The following ZKSCAN3 variants were observed in gnomAD, a reference collection of about 807,000 sequenced individuals.
The protein encoded by ZKSCAN3 is zinc finger protein with KRAB and SCAN domains 3.
A neutral mutation model predicts 30.7 loss-of-function variants in ZKSCAN3; 21 were observed. The observed-to-expected ratio is 0.68, with a 90% CI of 0.49 to 0.99. The LOEUF (loss-of-function observed/expected upper bound fraction) is 0.99, where lower values mean the gene tolerates loss of function less well. ZKSCAN3 is among the 50% of genes least tolerant of loss of function. The pLI is 0.00. For missense variants in ZKSCAN3, 507 were observed against 647.1 expected (o/e 0.78, Z 2.35); for synonymous variants, 201 against 246.7 (o/e 0.81, Z 1.73).
At chr6:28,363,542 T>C in intron 4 of ZKSCAN3, 150 bp from the exon 5 acceptor site, 2 of 1,339,404 alleles carry the variant, frequency 1.5e-6, no homozygotes. Flanking sequence ...AGGTTGTTTA[T>C]CATTAACTTT....
In ZKSCAN3 at chr6:28,365,519, A is replaced by G; in HGVS notation, c.851A>G (p.Asp284Gly). ...AAGATATCGTGCCACCTGAGAGAAG[A>G]CATTGCCCAGATTCCTACATGTGCA... ...HGKISCHLRE[D>G]IAQIPTCAEA... The change falls in exon 6 of 6, where the codon GAC (aspartate) becomes GGC (glycine). Residue 284 changes from aspartate (D) to glycine (G), a missense_variant. By Grantham distance (94) the Asp-to-Gly change is moderately conservative. Coordinates refer to ENST00000252211, the MANE Select transcript of ZKSCAN3 (RefSeq NM_024493.4). 6.2e-7 allele frequency: 1 copy of G among 1,614,228 alleles called. No homozygotes were observed.
chr6:28,355,428 G>A (rs1325873932), intron 1 of ZKSCAN3: 1 of 152,232 alleles, frequency 6.6e-6, no homozygotes, highest in Non-Finnish European at 1.5e-5. Flanking sequence ...CTCTGTCGAG[G>A]AATACTGGAG....
chr6:28,356,908 C>T lies in ZKSCAN3; in HGVS notation c.-62-2617C>T, dbSNP rs573947237. 2.0e-5 allele frequency among the ~76,000 whole-genome samples: 3 copies of T among 152,354 alleles called. No homozygotes were observed. In the South Asian group the frequency reaches 6.2e-4, roughly 32 times the overall value. ...GCCTGGGGGCTGAAGACCCACTCAC[C>T]TCATCTTGCTCACTATGCCAAATGT... On this transcript the variant is annotated intron_variant, in intron 1 of 5. Coordinates refer to ENST00000252211, the MANE Select transcript of ZKSCAN3 (RefSeq NM_024493.4).
At chr6:28,365,117 G>A (rs778736695) in intron 5 of ZKSCAN3, among the ~76,000 whole-genome samples, 8 of 151,986 alleles carry the variant, frequency 5.3e-5, no homozygotes, top group Non-Finnish European at 8.8e-5. Flanking sequence ...AACTTAGAAC[G>A]ACCACATACA....
intron 1 of ZKSCAN3, among the ~76,000 whole-genome samples, chr6:28,357,223 C>T (rs140139068): frequency 2.6e-4 from 40 of 152,364 alleles, no homozygotes; most frequent in African/African-American, 9.1e-4. Context: ...ATGCCTGCTT[C>T]GCTGCAGCAC....
intron 5 of ZKSCAN3, 147 bp from the exon 6 acceptor site, chr6:28,365,279 C>T: frequency 1.7e-6 from 2 of 1,185,318 alleles, no homozygotes; most frequent in East Asian, 2.3e-5. Flanking sequence ...CACTCCTGTT[C>T]TCCCCTTTTA....
At chr6:28,361,125 A>G (rs1308450934) in intron 2 of ZKSCAN3, among the ~76,000 whole-genome samples, 199 bp from the exon 3 acceptor site, 1 of 152,168 alleles carries the variant, frequency 6.6e-6, no homozygotes, top group African/African-American at 2.4e-5. Flanking sequence ...ATTGCCACTG[A>G]TTAGCTATTT....
In ZKSCAN3 at chr6:28,359,743, C is replaced by T. The variant is rs765890348; in HGVS notation, c.157C>T (p.Arg53Cys). 2 of 1,614,214 alleles carry T rather than the reference C, an allele frequency of 1.2e-6. No individual in the cohort carries two copies. Among genetic ancestry groups the T allele is most frequent in the Non-Finnish European group, 1.7e-6 (2 of 1,180,048 alleles). The change falls in exon 2 of 6, where the codon CGC (arginine) becomes TGC (cysteine). Residue 53 changes from arginine to cysteine, a missense_variant. Transcript: ENST00000252211. Reference protein sequence around the residue: ...EGSRERFRGFRYPEAAGPREA... With the variant: ...EGSRERFRGFCYPEAAGPREA... ...CTCCCGCGAGCGCTTCCGAGGCTTC[C>T]GCTACCCGGAGGCTGCAGGCCCCCG...
At position 28,365,821 on chromosome 6, in the gene ZKSCAN3, C is replaced by G; in HGVS notation, c.1153C>G (p.Leu385Val). The G allele has an allele frequency of 5.6e-6, 9 of 1,614,160 alleles. No homozygotes were observed. Among genetic ancestry groups the G allele is most frequent in the Non-Finnish European group, 5.9e-6 (7 of 1,180,022 alleles). Residue 385 changes from leucine (L) to valine (V), a missense_variant, in exon 6 of 6, where the codon CTT becomes GTT. Leu to Val is a conservative substitution (Grantham distance 32, BLOSUM62 1). Transcript: ENST00000252211. ...CGKAFSHSSD[L>V]IKHQRTHTGE... Reference sequence around the variant, plus strand: ...TAAGGCCTTCAGTCATAGCTCAGACCTTATCAAGCATCAGAGAACCCACAC... The same window carrying G: ...TAAGGCCTTCAGTCATAGCTCAGACGTTATCAAGCATCAGAGAACCCACAC...
Position 28,367,323 on chromosome 6 carries a change from T to C in ZKSCAN3, c.*1038T>C, listed in dbSNP as rs1766006515. The C allele has an allele frequency of 1.6e-5, 1 of 63,258 alleles. No homozygotes were observed. Among genetic ancestry groups the C allele is most frequent in the Non-Finnish European group, 2.9e-5 (1 of 34,448 alleles). 3.9% of individuals were successfully genotyped at this position (63,258 alleles called of 1,614,324 possible). On this transcript the variant is annotated 3_prime_UTR_variant, in exon 6 of 6. Transcript: ENST00000252211. ...TGTGTGCCATCCGTGGAATTGCTTTTTTTTTTTTTTTTTTGTAAATATGAG... is the reference window on the plus strand; with the variant it reads ...TGTGTGCCATCCGTGGAATTGCTTTCTTTTTTTTTTTTTTGTAAATATGAG...
chr6:28,360,413 T>G (rs1301149244), intron 2 of ZKSCAN3: 1 of 273,590 alleles, frequency 3.7e-6, no homozygotes, highest in Non-Finnish European at 5.6e-6. Context: ...TATGCTACAT[T>G]GATTTGTTGC....
chr6:28,357,154 C>T (rs932630698), intron 1 of ZKSCAN3, among the ~76,000 whole-genome samples: 5 of 152,226 alleles, frequency 3.3e-5, no homozygotes, highest in African/African-American at 7.2e-5. Flanking sequence ...ATATAATGCA[C>T]GGAATTGTGT....
chr6:28,355,149 C>G (rs1765339373), intron 1 of ZKSCAN3, among the ~76,000 whole-genome samples: 1 of 152,136 alleles, frequency 6.6e-6, no homozygotes, highest in Non-Finnish European at 1.5e-5. Flanking sequence ...GCCTCAGGTC[C>G]CATAACCTTA....
Position 28,369,129 on chromosome 6 carries a change from T to C in ZKSCAN3, c.*2844T>C, listed in dbSNP as rs1313319056. 6.6e-6 allele frequency: 1 copy of C among 152,132 alleles called. No individual in the cohort carries two copies. Among genetic ancestry groups the C allele is most frequent in the East Asian group, 1.9e-4 (1 of 5,198 alleles). The allele number at this position is 152,132 out of a possible 1,614,324, so 9.4% of individuals were successfully genotyped here. ...GGGACACAAATCTAACAAATCCTAA[T>C]GTATATTATTTGTATTATAGTAATA... On this transcript the variant is annotated 3_prime_UTR_variant, in exon 6 of 6. Transcript: ENST00000252211. This position sits in a 1 kb window ranked among gnomAD's most constrained non-coding sequence, Gnocchi z 4.1.
intron 2 of ZKSCAN3, 138 bp downstream of exon 2, chr6:28,360,126 T>C: frequency 6.7e-7 from 1 of 1,488,316 alleles, no homozygotes; most frequent in East Asian, 2.4e-5. Context: ...GGCAGTAAGG[T>C]GAAGTCCCTG....
chr6:28,350,316 A>C (rs1048651704), intron 1 of ZKSCAN3: 1 of 152,038 alleles, frequency 6.6e-6, no homozygotes, highest in African/African-American at 2.4e-5. Flanking sequence ...GTATTTGGAG[A>C]CGGGATGCAT....
intron 4 of ZKSCAN3, 57 bp downstream of exon 4, chr6:28,363,442 G>A: frequency 6.5e-7 from 1 of 1,531,076 alleles, no homozygotes. Flanking sequence ...AGCTTCCTGT[G>A]AAGACTCCTC....
In ZKSCAN3 at chr6:28,368,054, A is replaced by C. The variant is rs1221844263; in HGVS notation, c.*1769A>C. ...CTCCCCCCACCCCACAACAGGCCCC[A>C]GTGTGTGATGTTCCCCTTCCTGTGT... is the stretch of plus-strand genomic sequence containing the variant. On this transcript the variant is annotated 3_prime_UTR_variant, in exon 6 of 6. Transcript: ENST00000252211. The C allele has an allele frequency of 9.4e-6, 1 of 106,746 alleles. No individual in the cohort carries two copies. The highest frequency in any genetic ancestry group is 3.7e-5 in the African/African-American group (1 of 27,036). 6.6% of individuals were successfully genotyped at this position (106,746 alleles called of 1,614,324 possible).
At chr6:28,360,979 G>T (rs1442757693) in intron 2 of ZKSCAN3, among the ~76,000 whole-genome samples, 1 of 151,438 alleles carries the variant, frequency 6.6e-6, no homozygotes, top group African/African-American at 2.4e-5. Flanking sequence ...ATAATAAAAG[G>T]TATTAATATT....
Sources: allele counts gnomAD v4.1 joint callset (sites outside exome capture counted in the v4.1 genomes callset), GRCh38; gene constraint gnomAD v4.1.1; non-coding constraint Gnocchi (gnomAD v3.1); transcripts MANE v1.5; gene names NCBI Gene and HGNC (gene_info 2026-07-23, HGNC 2026-07-21).